The following PELI1 variants were observed in gnomAD, a reference collection of about 807,000 sequenced individuals.
PELI1 encodes the protein pellino E3 ubiquitin protein ligase 1, also known as E3 ubiquitin-protein ligase pellino homolog 1.
Under a neutral mutation model 41.3 loss-of-function variants are expected in PELI1, and 15 were observed. That is an observed-to-expected ratio of 0.36 (90% confidence interval 0.24 to 0.56). The LOEUF (loss-of-function observed/expected upper bound fraction) is 0.56, where lower values mean the gene tolerates loss of function less well. Among genes scored for constraint, PELI1 ranks in the 20% least tolerant of loss-of-function variants. PELI1 has a pLI of 0.82. For synonymous variants in PELI1, 178 were observed against 180.1 expected, an observed-to-expected ratio of 0.99 and a Z score of 0.09; for missense variants, 403 against 525.5, an observed-to-expected ratio of 0.77 and a Z score of 2.28.
chr2:64,109,901 G>A (rs540859003), intron 1 of PELI1, among the ~76,000 whole-genome samples: 2 of 152,208 alleles, frequency 1.3e-5, no homozygotes, highest in Admixed American at 6.5e-5. Flanking sequence ...AATCTAACAC[G>A]TGTGTCACTG....
intron 1 of PELI1, among the ~76,000 whole-genome samples, chr2:64,119,025 T>C (rs939814366): frequency 6.6e-5 from 10 of 151,542 alleles, no homozygotes; most frequent in African/African-American, 1.7e-4. Flanking sequence ...ATTGCAAAAA[T>C]ATTAAAAATG....
At chr2:64,123,053 C>T (rs1024181915) in intron 1 of PELI1, among the ~76,000 whole-genome samples, 1 of 152,150 alleles carries the variant, frequency 6.6e-6, no homozygotes, top group Non-Finnish European at 1.5e-5. Flanking sequence ...ATTTTGGAGG[C>T]AATACCACAA....
At chr2:64,117,160 A>C (rs912318979) in intron 1 of PELI1, among the ~76,000 whole-genome samples, 3 of 152,112 alleles carry the variant, frequency 2.0e-5, no homozygotes, top group African/African-American at 7.2e-5. Flanking sequence ...GTGGCCTCTA[A>C]CTGTTTAAGG....
intron 1 of PELI1, among the ~76,000 whole-genome samples, chr2:64,126,982 G>A (rs1295004321): frequency 6.6e-6 from 1 of 152,168 alleles, no homozygotes; most frequent in East Asian, 1.9e-4. Flanking sequence ...TGTAAGCTCA[G>A]TGACTGTTAG....
intron 1 of PELI1, among the ~76,000 whole-genome samples, chr2:64,143,877 G>T (rs1682009770): frequency 6.6e-6 from 1 of 151,688 alleles, no homozygotes; most frequent in Non-Finnish European, 1.5e-5. Context: ...GCCGGTTCCT[G>T]ACAAAGGCGC....
At position 64,104,828 on chromosome 2, in the gene PELI1, T is replaced by G; in HGVS notation, c.74A>C (p.Tyr25Ser). Residue 25 changes from tyrosine (Y) to serine (S), a missense_variant and splice_region_variant, in exon 3 of 7, where the codon TAT (tyrosine) becomes TCT (serine). Tyr to Ser is a moderately radical substitution (Grantham distance 144, BLOSUM62 -2). Transcript: ENST00000358912. ...ATCGCCATTTGGGAGAGACCCATTA[T>G]ACCTGATGGGGGAAAAAAAGTATAG... ...VKYGELIVLG[Y>S]NGSLPNGDRG... The G allele has an allele frequency of 6.2e-7, 1 of 1,610,064 alleles. No individual in the cohort carries two copies. Among genetic ancestry groups the G allele is most frequent in the Non-Finnish European group, 8.5e-7 (1 of 1,178,320 alleles).
chr2:64,112,834 T>G (rs1680847764), intron 1 of PELI1, among the ~76,000 whole-genome samples: 1 of 152,182 alleles, frequency 6.6e-6, no homozygotes, highest in African/African-American at 2.4e-5. Context: ...CCTGGAACTT[T>G]TTTTTTTATG....
At chr2:64,100,584 T>C in intron 3 of PELI1, 85 bp from the exon 4 acceptor site, 1 of 768,334 alleles carries the variant, frequency 1.3e-6, no homozygotes, top group East Asian at 2.5e-5. Context: ...GGGAAAACTA[T>C]TTATCAAATA....
chr2:64,104,616 G>T, intron 3 of PELI1, 85 bp downstream of exon 3: 1 of 1,406,322 alleles, frequency 7.1e-7, no homozygotes, highest in South Asian at 1.9e-5. Flanking sequence ...GAAATGTAAG[G>T]GGAATGCTAG....
At chr2:64,137,008 T>C (rs1292721653) in intron 1 of PELI1, among the ~76,000 whole-genome samples, 1 of 152,190 alleles carries the variant, frequency 6.6e-6, no homozygotes, top group Non-Finnish European at 1.5e-5. Context: ...AGAGTAAAAA[T>C]CACTGAAATG....
chr2:64,131,604 A>G (rs1161106926), intron 1 of PELI1, among the ~76,000 whole-genome samples: 1 of 152,054 alleles, frequency 6.6e-6, no homozygotes, highest in African/African-American at 2.4e-5. Flanking sequence ...TAGAGAGTGA[A>G]ATAGTAATCT....
chr2:64,095,552 T>A (rs79289166), intron 6 of PELI1, among the ~76,000 whole-genome samples: 12,079 of 152,264 alleles, frequency 0.079, 719 homozygotes, highest in African/African-American at 0.17. Flanking sequence ...AAATATGGTT[T>A]AAGATATACA....
At chr2:64,101,547 G>A (rs766430751) in intron 3 of PELI1, among the ~76,000 whole-genome samples, 1 of 151,996 alleles carries the variant, frequency 6.6e-6, no homozygotes, top group Non-Finnish European at 1.5e-5. Context: ...AGTAGAAATG[G>A]GCTGCATAAA....
intron 1 of PELI1, among the ~76,000 whole-genome samples, chr2:64,120,466 A>C (rs1023513257): frequency 1.3e-5 from 2 of 152,282 alleles, no homozygotes; most frequent in African/African-American, 2.4e-5. Flanking sequence ...CATGCAAATC[A>C]TCGATAATCT....
intron 1 of PELI1, among the ~76,000 whole-genome samples, chr2:64,119,710 T>C (rs2103714649): frequency 6.6e-6 from 1 of 152,324 alleles, no homozygotes; most frequent in African/African-American, 2.4e-5. Context: ...ACAGGCTTAA[T>C]ATCAAGTTAT....
rs768293813 is a variant in PELI1, at chr2:64,095,100, T to C, written c.859A>G (p.Asn287Asp). Reference protein sequence around the residue: ...AARPQCPVGFNTLAFPSMKRK... With the variant: ...AARPQCPVGFDTLAFPSMKRK... ...TTCATACTAGGAAATGCTAGTGTGTTGAACCCTACAGGGCACTGAGGTCGT... is the reference window on the plus strand; with the variant it reads ...TTCATACTAGGAAATGCTAGTGTGTCGAACCCTACAGGGCACTGAGGTCGT... The change falls in exon 7 of 7, where the codon AAC (asparagine) becomes GAC (aspartate). Residue 287 changes from asparagine to aspartate, a missense_variant. Physicochemically the swap from Asn to Asp is conservative, Grantham distance 23. Transcript: ENST00000358912. 5 of 1,614,086 alleles carry C rather than the reference T, an allele frequency of 3.1e-6. No individual in the cohort carries two copies. Among genetic ancestry groups the C allele is most frequent in the Non-Finnish European group, 4.2e-6 (5 of 1,180,022 alleles).
At chr2:64,113,300 G>GAAAAAAAAAAAAA (rs57291699) in intron 1 of PELI1, among the ~76,000 whole-genome samples, 1 of 131,788 alleles carries the variant, frequency 7.6e-6, no homozygotes, top group African/African-American at 2.8e-5. Flanking sequence ...CAAAAAAAAA[G>GAAAAAAAAAAAAA]AAAAAAAAAA....
At chr2:64,116,072 C>CAA (rs2103706573) in intron 1 of PELI1, among the ~76,000 whole-genome samples, 1 of 152,156 alleles carries the variant, frequency 6.6e-6, no homozygotes, top group East Asian at 1.9e-4. Flanking sequence ...AGGTAAATTC[C>CAA]TGGTACTACC....
intron 1 of PELI1, among the ~76,000 whole-genome samples, chr2:64,117,614 A>G (rs908798876): frequency 6.6e-6 from 1 of 152,214 alleles, no homozygotes; most frequent in African/African-American, 2.4e-5. Flanking sequence ...TTGAAAATTC[A>G]AATTACAAAT....
Sources: allele counts gnomAD v4.1 joint callset (sites outside exome capture counted in the v4.1 genomes callset), GRCh38; gene constraint gnomAD v4.1.1; transcripts MANE v1.5; gene names NCBI Gene and HGNC (gene_info 2026-07-23, HGNC 2026-07-21).